The following ZNF267 variants were observed in gnomAD, a reference collection of about 807,000 sequenced individuals.
ZNF267 encodes zinc finger protein 267, also known as zinc finger (C2H2).
Under a neutral mutation model 71.6 loss-of-function variants are expected in ZNF267, and 61 were observed. That is an observed-to-expected ratio of 0.85 (90% confidence interval 0.69 to 1.05). The LOEUF (loss-of-function observed/expected upper bound fraction) is 1.05. ZNF267 is among the 50% of genes least tolerant of loss of function. The pLI is 0.00. For missense variants in ZNF267, 852 were observed against 870.0 expected (o/e 0.98, Z 0.26); for synonymous variants, 288 against 293.2 (o/e 0.98, Z 0.18).
At chr16:31,908,650 T>A (rs1436700050) in intron 3 of ZNF267, among the ~76,000 whole-genome samples, 1 of 152,048 alleles carries the variant, frequency 6.6e-6, no homozygotes, top group African/African-American at 2.4e-5. Flanking sequence ...AGTTTTTTTT[T>A]AGCACTGGTT....
At position 31,884,567 on chromosome 16, in the gene ZNF267, C is replaced by G. The variant is rs149643297; in HGVS notation, c.73C>G (p.Gln25Glu). 6 of 1,614,114 alleles carry G rather than the reference C, an allele frequency of 3.7e-6. No homozygotes were observed. The highest frequency in any genetic ancestry group is 1.7e-5 in the Admixed American group (1 of 60,008). ...GGAGTGGGAACACCTGGAACCAGCT[C>G]AGAAGAATTTGTATCAGGATGTGAT... ...LEEWEHLEPAQKNLYQDVMLE... is the reference protein window; with the variant it reads ...LEEWEHLEPAEKNLYQDVMLE... Residue 25 changes from glutamine to glutamate, a missense_variant, in exon 2 of 4, where the codon CAG becomes GAG. Physicochemically the swap from Gln to Glu is conservative, Grantham distance 29. Coordinates refer to ENST00000300870, the MANE Select transcript of ZNF267 (RefSeq NM_003414.6).
At chr16:31,896,696 C>T (rs185313828) in intron 3 of ZNF267, among the ~76,000 whole-genome samples, 47 of 152,188 alleles carry the variant, frequency 3.1e-4, no homozygotes, top group Middle Eastern at 3.4e-3. Context: ...TAAATTTTGA[C>T]GTAAGGTATT....
At chr16:31,900,476 G>A (rs557696415) in intron 3 of ZNF267, among the ~76,000 whole-genome samples, 4 of 151,910 alleles carry the variant, frequency 2.6e-5, no homozygotes, top group Admixed American at 1.3e-4. Context: ...ACGGAGTCTC[G>A]CTCTGCCACC....
intron 3 of ZNF267, among the ~76,000 whole-genome samples, chr16:31,911,448 A>C (rs1313807881): frequency 2.0e-5 from 3 of 151,560 alleles, no homozygotes; most frequent in African/African-American, 7.3e-5. Context: ...TTTTATCTTG[A>C]AATATATTTT....
intron 1 of ZNF267, among the ~76,000 whole-genome samples, chr16:31,876,919 A>G (rs1027878996): frequency 6.6e-6 from 1 of 152,138 alleles, no homozygotes; most frequent in African/African-American, 2.4e-5. Flanking sequence ...CCATGGAAGG[A>G]GCCCTTTATA....
intron 3 of ZNF267, chr16:31,895,041 C>A: frequency 3.8e-6 from 1 of 262,096 alleles, no homozygotes; most frequent in East Asian, 1.3e-4. Context: ...CCATGGCTCC[C>A]ACTTCCTCCC....
intron 3 of ZNF267, among the ~76,000 whole-genome samples, chr16:31,899,694 G>A (rs1189791444): frequency 1.3e-5 from 2 of 152,014 alleles, no homozygotes; most frequent in Admixed American, 1.3e-4. Context: ...GCCTAACTGT[G>A]GTGTTTAGGA....
chr16:31,902,593 T>G (rs1231704267), intron 3 of ZNF267, among the ~76,000 whole-genome samples: 2 of 152,026 alleles, frequency 1.3e-5, no homozygotes, highest in Non-Finnish European at 2.9e-5. Context: ...GCTCTCTGTT[T>G]GTCTGTTATT....
At chr16:31,894,431 T>C (rs2083982518) in intron 3 of ZNF267, 1 of 426,398 alleles carries the variant, frequency 2.3e-6, no homozygotes, top group Admixed American at 2.9e-5. Context: ...TCATGGTTTA[T>C]GTTAAGCACT....
chr16:31,888,779 G>A (rs937680722), intron 3 of ZNF267, among the ~76,000 whole-genome samples: 2 of 151,772 alleles, frequency 1.3e-5, no homozygotes, highest in African/African-American at 4.8e-5. Context: ...TTACTTTTTT[G>A]TAGTGTCCTT....
chr16:31,882,393 G>A (rs1037556072), intron 1 of ZNF267, among the ~76,000 whole-genome samples: 28 of 152,158 alleles, frequency 1.8e-4, no homozygotes, highest in African/African-American at 6.0e-4. Flanking sequence ...TGGGCGTAAG[G>A]GACTCTGTGC....
At position 31,915,265 on chromosome 16, in the gene ZNF267, A is replaced by G. The variant is rs756860765; in HGVS notation, c.1016A>G (p.Gln339Arg). Residue 339 changes from glutamine (Q) to arginine (R), a missense_variant, in exon 4 of 4, where the codon CAA becomes CGA. By Grantham distance (43) the Gln-to-Arg change is conservative. Transcript: ENST00000300870. ...TTAAACCATAGTTTGCACCTTACTC[A>G]ACATCAGATCATTCCTACCGAAGAG... ...DSLNHSLHLTQHQIIPTEEKP... is the reference protein window; with the variant it reads ...DSLNHSLHLTRHQIIPTEEKP... 2.5e-6 allele frequency: 4 copies of G among 1,613,786 alleles called. No individual in the cohort carries two copies. In the African/African-American group the frequency reaches 5.3e-5, roughly 22 times the overall value.
intron 3 of ZNF267, among the ~76,000 whole-genome samples, chr16:31,898,249 T>C (rs1351709698): frequency 1.3e-5 from 2 of 152,118 alleles, no homozygotes; most frequent in East Asian, 3.9e-4. Flanking sequence ...TGTGACAGTT[T>C]TTGATGTAAT....
At chr16:31,899,720 A>G (rs1240412538) in intron 3 of ZNF267, among the ~76,000 whole-genome samples, 1 of 152,178 alleles carries the variant, frequency 6.6e-6, no homozygotes, top group Non-Finnish European at 1.5e-5. Flanking sequence ...AAGTCTGCAT[A>G]CCTGTATGTA....
intron 3 of ZNF267, among the ~76,000 whole-genome samples, chr16:31,887,337 C>T (rs1262847304): frequency 6.6e-6 from 1 of 150,928 alleles, no homozygotes; most frequent in Non-Finnish European, 1.5e-5. Flanking sequence ...TTCTCCCAGT[C>T]CCTGGGTCGC....
At chr16:31,891,972 TC>T (rs2083963301) in intron 3 of ZNF267, among the ~76,000 whole-genome samples, 1 of 152,130 alleles carries the variant, frequency 6.6e-6, no homozygotes, top group African/African-American at 2.4e-5. Flanking sequence ...AGTTTGGAAC[TC>T]CCTAGAGACT....
intron 3 of ZNF267, among the ~76,000 whole-genome samples, chr16:31,899,419 C>T (rs990236733): frequency 6.6e-6 from 1 of 152,178 alleles, no homozygotes; most frequent in Non-Finnish European, 1.5e-5. Flanking sequence ...GAACAACCTG[C>T]TCCTGAATGA....
intron 3 of ZNF267, among the ~76,000 whole-genome samples, chr16:31,903,387 G>C (rs1346786259): frequency 6.6e-6 from 1 of 152,128 alleles, no homozygotes; most frequent in African/African-American, 2.4e-5. Flanking sequence ...TTGTACCTCT[G>C]GTAGAATTCA....
In ZNF267 at chr16:31,916,415, C is replaced by A; in HGVS notation, c.2166C>A (p.Gly722=). 3 of 1,614,078 alleles carry A rather than the reference C, an allele frequency of 1.9e-6. No homozygotes were observed. Among genetic ancestry groups the A allele is most frequent in the Non-Finnish European group, 1.7e-6 (2 of 1,179,994 alleles). The change falls in exon 4 of 4, where the codon GGC becomes GGA. Residue 722 remains glycine, a synonymous_variant. Coordinates refer to ENST00000300870, the MANE Select transcript of ZNF267 (RefSeq NM_003414.6). The stretch of plus-strand genomic sequence containing the variant: ...GACCCTACAAATGTGAAGAATGTGG[C>A]AAAGCCTTTAACTCTAGGTCATACC... ...GERPYKCEEC[G]KAFNSRSYLI...
Sources: allele counts gnomAD v4.1 joint callset (sites outside exome capture counted in the v4.1 genomes callset), GRCh38; gene constraint gnomAD v4.1.1; transcripts MANE v1.5; gene names NCBI Gene and HGNC (gene_info 2026-07-23, HGNC 2026-07-21).